The following PPP2R2D variants were observed in gnomAD, a reference collection of about 807,000 sequenced individuals.
The protein encoded by PPP2R2D is serine/threonine-protein phosphatase 2A 55 kDa regulatory subunit B delta isoform.
Under a neutral mutation model 31.1 loss-of-function variants are expected in PPP2R2D, and 9 were observed. The ratio of observed to expected loss-of-function variants is 0.29; its 90% CI spans 0.17 to 0.51. The LOEUF is 0.51. Among genes scored for constraint, PPP2R2D ranks in the 20% least tolerant of loss-of-function variants. PPP2R2D has a pLI of 0.98. For synonymous variants in PPP2R2D, 179 were observed against 172.6 expected, an observed-to-expected ratio of 1.04 and a Z score of -0.29; for missense variants, 391 against 465.6, an observed-to-expected ratio of 0.84 and a Z score of 1.48.
rs532841000 is a variant in PPP2R2D at position 131,958,290 on chromosome 10, G to A, written c.*2327G>A. On this transcript the variant is annotated 3_prime_UTR_variant, in exon 9 of 9. Transcript: ENST00000455566. ...TACTGCTGATCCCCCGTCCCCCTGT[G>A]GAGATGAAGGTGTGTGCTGATCCCC... is the stretch of plus-strand genomic sequence containing the variant. The A allele has an allele frequency of 4.7e-6, 1 of 211,728 alleles. No individual in the cohort carries two copies. The highest frequency in any genetic ancestry group is 5.8e-5 in the Admixed American group (1 of 17,096). 13.1% of individuals were successfully genotyped at this position (211,728 alleles called of 1,614,324 possible). A position where few individuals can be genotyped will look rare whatever the true frequency, so the allele number is the denominator to read the frequency against.
chr10:131,931,841 C>T lies in PPP2R2D; in HGVS notation c.101-2617C>T, dbSNP rs188746184. Among the ~76,000 whole-genome samples the T allele has an allele frequency of 2.1e-4, 32 of 152,232 alleles. 1 individual carries two copies. The East Asian group carries it at 5.6e-3, about 27-fold the overall frequency. On this transcript the variant is annotated intron_variant, in intron 2 of 8. Coordinates refer to ENST00000455566, the MANE Select transcript of PPP2R2D (RefSeq NM_018461.5). ...CCCTTTCCCCAGGGCTGGAGTATTT[C>T]GGAGGGCACCCCTGGGGATGGCGGC...
intron 2 of PPP2R2D, among the ~76,000 whole-genome samples, chr10:131,904,933 C>T (rs994561581): frequency 2.6e-5 from 4 of 151,878 alleles, no homozygotes; most frequent in Non-Finnish European, 5.9e-5. Context: ...GAATCAGAAT[C>T]AACCTATGGT....
At chr10:131,921,954 A>G (rs2035995097) in intron 2 of PPP2R2D, among the ~76,000 whole-genome samples, 1 of 152,234 alleles carries the variant, frequency 6.6e-6, no homozygotes. Context: ...TCAGTCAGAC[A>G]GCCTTTTGTT....
At position 131,945,031 on chromosome 10, in the gene PPP2R2D, A is replaced by G. The variant is rs144907311; in HGVS notation, c.656-264A>G. On this transcript the variant is annotated intron_variant, in intron 6 of 8. Coordinates refer to ENST00000455566, the MANE Select transcript of PPP2R2D (RefSeq NM_018461.5). This position sits in a 1 kb window ranked among gnomAD's most constrained non-coding sequence, Gnocchi z 4.8. ...TGCTATTAAGGGCTTTCTGTATAACATTAATAATAGCAGCAAGATGAAAGC... is the reference window on the plus strand; with the variant it reads ...TGCTATTAAGGGCTTTCTGTATAACGTTAATAATAGCAGCAAGATGAAAGC... Among the ~76,000 whole-genome samples the G allele has an allele frequency of 2.6e-5, 4 of 152,290 alleles. No homozygotes were observed. Among genetic ancestry groups the G allele is most frequent in the Non-Finnish European group, 4.4e-5 (3 of 68,022 alleles).
intron 5 of PPP2R2D, 32 bp from the exon 6 acceptor site, chr10:131,943,936 T>G (rs1259993129): frequency 1.3e-6 from 1 of 781,022 alleles, no homozygotes; most frequent in African/African-American, 1.7e-5. Flanking sequence ...CTGTGATCTT[T>G]GTTTTGAATT....
At chr10:131,953,842 T>C (rs2036741357) in intron 8 of PPP2R2D, among the ~76,000 whole-genome samples, 1 of 152,152 alleles carries the variant, frequency 6.6e-6, no homozygotes, top group African/African-American at 2.4e-5. Context: ...TTTATTCCTC[T>C]TGATATATTT....
At chr10:131,937,521 T>C (rs553348981) in intron 3 of PPP2R2D, among the ~76,000 whole-genome samples, 4 of 151,620 alleles carry the variant, frequency 2.6e-5, no homozygotes, top group African/African-American at 7.3e-5. Flanking sequence ...CGGCACTCCA[T>C]GAGATCTGGG....
intron 2 of PPP2R2D, among the ~76,000 whole-genome samples, chr10:131,919,922 GAC>G (rs112737796): frequency 1.5e-4 from 23 of 149,892 alleles, no homozygotes; most frequent in African/African-American, 2.7e-4. Flanking sequence ...CGGGTGGAAT[GAC>G]ACAGTGTTTG....
rs2036805210 is a variant in PPP2R2D at position 131,956,634 on chromosome 10, T to C, written c.*671T>C. On this transcript the variant is annotated 3_prime_UTR_variant, in exon 9 of 9. Transcript: ENST00000455566. ...TCTTTGGAACTAACTGTTTGAGAAA[T>C]GTGTGTCCTTCTTTGGCAGCGTGGG... 5 of 900,540 alleles carry C rather than the reference T, an allele frequency of 5.6e-6. No individual in the cohort carries two copies. The South Asian group carries it at 2.0e-4, about 37-fold the overall frequency. The allele number at this position is 900,540 out of a possible 1,614,324, so 55.8% of individuals were successfully genotyped here.
chr10:131,970,597 A>C, the PPP2R2D span: 5 of 1,604,628 alleles, frequency 3.1e-6, no homozygotes, highest in Non-Finnish European at 3.4e-6. This position sits in a 1 kb window ranked among gnomAD's most constrained non-coding sequence, Gnocchi z 4.1. Context: ...GAATCGCCCC[A>C]CGACATGCCA....
intron 2 of PPP2R2D, among the ~76,000 whole-genome samples, chr10:131,933,285 C>T (rs1554895965): frequency 6.6e-6 from 1 of 152,202 alleles, no homozygotes; most frequent in African/African-American, 2.4e-5. Context: ...GTCAGAATTG[C>T]ATTCTAGCCA....
At position 131,931,390 on chromosome 10, in the gene PPP2R2D, C is replaced by T. The variant is rs1003217911; in HGVS notation, c.101-3068C>T. Among the ~76,000 whole-genome samples the T allele has an allele frequency of 4.6e-5, 7 of 152,158 alleles. No homozygotes were observed. In the South Asian group the frequency reaches 1.4e-3, roughly 32 times the overall value. On this transcript the variant is annotated intron_variant, in intron 2 of 8. Transcript: ENST00000455566. ...TGAGATGGAATCTTGCTTTGTTGCC[C>T]AGGCTGGAGTGCAGTGGCGTGATCT...
intron 8 of PPP2R2D, among the ~76,000 whole-genome samples, chr10:131,953,042 G>T (rs1284736353): frequency 7.3e-6 from 1 of 136,864 alleles, no homozygotes; most frequent in Non-Finnish European, 1.6e-5. Flanking sequence ...TGTGCAGGGG[G>T]TTTCACTGTC....
At chr10:131,962,645 T>C (rs1178482708), downstream of PPP2R2D, among the ~76,000 whole-genome samples, 1 of 152,306 alleles carries the variant, frequency 6.6e-6, no homozygotes, top group East Asian at 1.9e-4. Flanking sequence ...GGACCGTCCA[T>C]CGCTGGTGTG....
At chr10:131,908,692 A>G (rs924565183) in intron 2 of PPP2R2D, among the ~76,000 whole-genome samples, 1 of 152,190 alleles carries the variant, frequency 6.6e-6, no homozygotes, top group Non-Finnish European at 1.5e-5. Flanking sequence ...TGTGACCATT[A>G]CAGGGTTGCT....
At chr10:131,961,472 C>T (rs2036918719), downstream of PPP2R2D, among the ~76,000 whole-genome samples, 1 of 152,174 alleles carries the variant, frequency 6.6e-6, no homozygotes, top group South Asian at 2.1e-4. Context: ...TTCCCTACAG[C>T]CACCCTGGCC....
chr10:131,928,222 G>T (rs778698989), intron 2 of PPP2R2D, among the ~76,000 whole-genome samples: 4 of 152,168 alleles, frequency 2.6e-5, no homozygotes, highest in African/African-American at 9.7e-5. Context: ...CTCCGGTAGG[G>T]CGCTAGTTTT....
At chr10:131,960,885 A>C (rs2036912235), downstream of PPP2R2D, among the ~76,000 whole-genome samples, 1 of 152,164 alleles carries the variant, frequency 6.6e-6, no homozygotes, top group African/African-American at 2.4e-5. Context: ...CCAGAGCTGC[A>C]GGCAAAGGGA....
chr10:131,948,957 C>G (rs1004679404), intron 8 of PPP2R2D, among the ~76,000 whole-genome samples: 1 of 152,096 alleles, frequency 6.6e-6, no homozygotes. Context: ...GAAGCAAAAC[C>G]TCCCCTCACA....
Sources: allele counts gnomAD v4.1 joint callset (sites outside exome capture counted in the v4.1 genomes callset), GRCh38; gene constraint gnomAD v4.1.1; non-coding constraint Gnocchi (gnomAD v3.1); transcripts MANE v1.5; gene names NCBI Gene and HGNC (gene_info 2026-07-23, HGNC 2026-07-21).